Variants in ATP1B1 observed in about 807,000 individuals in gnomAD.
ATP1B1 encodes the protein ATPase Na+/K+ transporting subunit beta 1.
ATP1B1 carries 3 observed loss-of-function variants against 39.6 expected under a neutral mutation model. The observed-to-expected ratio is 0.08, with a 90% CI of 0.03 to 0.20. The LOEUF is 0.20. ATP1B1 is among the 10% of genes least tolerant of loss of function. The pLI, the probability that ATP1B1 is intolerant of heterozygous loss-of-function variation, is 1.00. For missense variants in ATP1B1, 216 were observed against 371.1 expected (o/e 0.58, Z 3.43); for synonymous variants, 139 against 135.0 (o/e 1.03, Z -0.20).
At chr1:169,125,151 A>T (rs767810489) in intron 3 of ATP1B1, 112 bp downstream of exon 3, 138 of 1,361,440 alleles carry the variant, frequency 1.0e-4, no homozygotes, top group Non-Finnish European at 1.3e-4. Flanking sequence ...ATAATGAAAG[A>T]TTGAACTCTG....
intron 1 of ATP1B1, among the ~76,000 whole-genome samples, chr1:169,107,351 G>T (rs917346487): frequency 1.3e-5 from 2 of 152,166 alleles, no homozygotes; most frequent in African/African-American, 4.8e-5. Flanking sequence ...TAATGCAGAC[G>T]AGGTTGTGTG....
At chr1:169,107,031 G>C in intron 1 of ATP1B1, 105 bp downstream of exon 1, 12 of 1,102,840 alleles carry the variant, frequency 1.1e-5, no homozygotes, top group Non-Finnish European at 1.5e-5. Flanking sequence ...CGCGCTGGCC[G>C]GGGTGGCGGG....
intron 1 of ATP1B1, among the ~76,000 whole-genome samples, chr1:169,108,447 T>C (rs1177207818): frequency 1.3e-5 from 2 of 152,106 alleles, no homozygotes; most frequent in Non-Finnish European, 2.9e-5. Flanking sequence ...CACTGCGGTA[T>C]GGGCACCCTT....
At chr1:169,110,853 A>G in intron 1 of ATP1B1, 1 of 419,144 alleles carries the variant, frequency 2.4e-6, no homozygotes, top group Non-Finnish European at 4.0e-6. Flanking sequence ...CTCAGGATTC[A>G]TTGCTCTGCC....
At chr1:169,113,447 TA>T (rs531680767) in intron 2 of ATP1B1, among the ~76,000 whole-genome samples, 2,022 of 146,854 alleles carry the variant, frequency 0.014, 38 homozygotes, top group African/African-American at 0.046. Context: ...TTTCCTAGAT[TA>T]AAAAAAAAAA....
At chr1:169,116,941 C>T (rs1300763425) in intron 2 of ATP1B1, among the ~76,000 whole-genome samples, 1 of 152,096 alleles carries the variant, frequency 6.6e-6, no homozygotes, top group East Asian at 1.9e-4. Context: ...AGTAAAATTC[C>T]TGAGAAGTCA....
Position 169,131,248 on chromosome 1 carries a change from G to A in ATP1B1, c.649-44G>A, listed in dbSNP as rs765189024. 1.9e-5 allele frequency: 31 copies of A among 1,597,376 alleles called. No homozygotes were observed. The Middle Eastern group carries it at 1.2e-3, about 60-fold the overall frequency. ...CTTGTTTTTGAGTACACATAGTGAT[G>A]CATGATGTGAGCCATTAAAATTTCA... On this transcript the variant is annotated intron_variant, in intron 5 of 5. Coordinates refer to ENST00000367815, the MANE Select transcript of ATP1B1 (RefSeq NM_001677.4). This position sits in a 1 kb window ranked among gnomAD's most constrained non-coding sequence, Gnocchi z 4.4.
Position 169,111,475 on chromosome 1 carries a change from A to G in ATP1B1, c.203A>G (p.Tyr68Cys). 6.2e-7 allele frequency: 1 copy of G among 1,614,196 alleles called. No individual in the cohort carries two copies. The highest frequency in any genetic ancestry group is 8.5e-7 in the Non-Finnish European group (1 of 1,180,018). Residue 68 changes from tyrosine to cysteine, a missense_variant, in exon 2 of 6, where the codon TAT (tyrosine) becomes TGT (cysteine). Transcript: ENST00000367815. The stretch of plus-strand genomic sequence containing the variant: ...ACCATCAGTGAATTTAAGCCCACAT[A>G]TCAGGACCGAGTGGCCCCGCCAGGT... ...LLTISEFKPT[Y>C]QDRVAPPGLT... is the part of the protein sequence containing the mutation.
At position 169,111,514 on chromosome 1, in the gene ATP1B1, A is replaced by G. The variant is rs753261183; in HGVS notation, c.226+16A>G. 6.2e-7 allele frequency: 1 copy of G among 1,611,684 alleles called. No individual in the cohort carries two copies. The highest frequency in any genetic ancestry group is 8.5e-7 in the Non-Finnish European group (1 of 1,178,708). On this transcript the variant is annotated intron_variant, in intron 2 of 5. Transcript: ENST00000367815. ...GCCCCGCCAGGTAAAATCCACATGA[A>G]TAGCTTCATTTCCTTCAGAGATAGC... is the stretch of plus-strand genomic sequence containing the variant.
At position 169,114,311 on chromosome 1, in the gene ATP1B1, A is replaced by G. The variant is rs1279815165; in HGVS notation, c.226+2813A>G. 3.9e-5 allele frequency among the ~76,000 whole-genome samples: 6 copies of G among 152,180 alleles called. No homozygotes were observed. The East Asian group carries it at 1.2e-3, about 29-fold the overall frequency. On this transcript the variant is annotated intron_variant, in intron 2 of 5. Coordinates refer to ENST00000367815, the MANE Select transcript of ATP1B1 (RefSeq NM_001677.4). The stretch of plus-strand genomic sequence containing the variant: ...TAGTATCTTTAAAGCCTCCATTTTC[A>G]TGTTTAGTTAAAGAGGGAAAATTGT...
intron 1 of ATP1B1, among the ~76,000 whole-genome samples, chr1:169,107,371 C>T (rs950210618): frequency 6.6e-6 from 1 of 152,110 alleles, no homozygotes; most frequent in Admixed American, 6.5e-5. Flanking sequence ...GTTACAGCAT[C>T]TTTCTTCTAG....
intron 2 of ATP1B1, among the ~76,000 whole-genome samples, chr1:169,117,472 A>T (rs906391846): frequency 6.6e-6 from 1 of 152,224 alleles, no homozygotes; most frequent in Non-Finnish European, 1.5e-5. Context: ...GGAGCCACAG[A>T]AAAACAGATC....
chr1:169,121,976 C>G (rs1199042562), intron 2 of ATP1B1, among the ~76,000 whole-genome samples: 2 of 150,568 alleles, frequency 1.3e-5, no homozygotes, highest in Admixed American at 1.4e-4. Flanking sequence ...GACATTTGCT[C>G]TCCTTCACTT....
intron 2 of ATP1B1, among the ~76,000 whole-genome samples, chr1:169,116,877 A>G (rs961216852): frequency 5.3e-5 from 8 of 151,940 alleles, no homozygotes; most frequent in Non-Finnish European, 4.4e-5. Context: ...AAAACAAAAC[A>G]AACAAAAAAC....
At chr1:169,117,327 T>TG (rs1385450519) in intron 2 of ATP1B1, among the ~76,000 whole-genome samples, 1 of 152,174 alleles carries the variant, frequency 6.6e-6, no homozygotes, top group Non-Finnish European at 1.5e-5. Context: ...AAAGGGTTTG[T>TG]GGGGGGAACT....
At chr1:169,109,148 T>TA (rs751049550) in intron 1 of ATP1B1, among the ~76,000 whole-genome samples, 1 of 152,244 alleles carries the variant, frequency 6.6e-6, no homozygotes, top group Non-Finnish European at 1.5e-5. Context: ...ATTAGGTTAA[T>TA]ACAGACATTG....
chr1:169,108,957 C>CGGA (rs1468147326), intron 1 of ATP1B1, among the ~76,000 whole-genome samples: 1 of 152,236 alleles, frequency 6.6e-6, no homozygotes, highest in Non-Finnish European at 1.5e-5. Flanking sequence ...CCGTCTCCTA[C>CGGA]GGAGAAAATG....
At chr1:169,124,100 T>C (rs1031148589) in intron 2 of ATP1B1, among the ~76,000 whole-genome samples, 2 of 152,250 alleles carry the variant, frequency 1.3e-5, no homozygotes, top group Admixed American at 1.3e-4. Flanking sequence ...CAACCATTGC[T>C]CCTGAGTAGT....
chr1:169,116,983 A>C (rs1040503), intron 2 of ATP1B1, among the ~76,000 whole-genome samples: 2 of 151,966 alleles, frequency 1.3e-5, no homozygotes, highest in East Asian at 1.9e-4. Context: ...TAATTTTTCC[A>C]CCCCCCGCAA....
Sources: allele counts gnomAD v4.1 joint callset (sites outside exome capture counted in the v4.1 genomes callset), GRCh38; gene constraint gnomAD v4.1.1; non-coding constraint Gnocchi (gnomAD v3.1); transcripts MANE v1.5; gene names NCBI Gene and HGNC (gene_info 2026-07-23, HGNC 2026-07-21).